Variants in ACVR1C observed in about 807,000 individuals in gnomAD.
The protein encoded by ACVR1C is activin A receptor type 1C.
ACVR1C carries 23 observed loss-of-function variants against 57.9 expected under a neutral mutation model. That is an observed-to-expected ratio of 0.40 (90% CI 0.29 to 0.56). The LOEUF (loss-of-function observed/expected upper bound fraction) is 0.56, where lower values mean the gene tolerates loss of function less well. Among genes scored for constraint, ACVR1C ranks in the 20% least tolerant of loss-of-function variants. ACVR1C has a pLI of 0.50. For synonymous variants in ACVR1C, 214 were observed against 215.3 expected (o/e 0.99, Z 0.05); for missense variants, 480 against 607.9 (o/e 0.79, Z 2.21).
intron 2 of ACVR1C, among the ~76,000 whole-genome samples, chr2:157,585,532 A>G (rs1477206576): frequency 6.6e-6 from 1 of 152,128 alleles, no homozygotes; most frequent in Non-Finnish European, 1.5e-5. Context: ...CTTGCCCTCT[A>G]ATACCTTTTG....
In ACVR1C at chr2:157,538,647, T is replaced by G. The variant is rs1687544366; in HGVS notation, c.1282A>C (p.Ile428Leu). The stretch of plus-strand genomic sequence containing the variant: ...CAAACAACCTTTCTCATTTCCTCTA[T>G]CGAGGGATCTGAAGGCACCATGTCA... ...YYDMVPSDPS[I>L]EEMRKVVCDQ... Residue 428 changes from isoleucine to leucine, a missense_variant, in exon 8 of 9, where the codon ATA (isoleucine) becomes CTA (leucine). Ile to Leu is a conservative substitution (Grantham distance 5). Transcript: ENST00000243349. 2 of 1,584,652 alleles carry G rather than the reference T, an allele frequency of 1.3e-6. No homozygotes were observed. The highest frequency in any genetic ancestry group is 1.7e-6 in the Non-Finnish European group (2 of 1,165,876).
intron 3 of ACVR1C, among the ~76,000 whole-genome samples, chr2:157,551,925 CT>C (rs1446369097): frequency 6.6e-6 from 1 of 152,172 alleles, no homozygotes; most frequent in Non-Finnish European, 1.5e-5. Flanking sequence ...TCACAAAACC[CT>C]ACAGGAAGAA....
chr2:157,552,145 T>C lies in ACVR1C; in HGVS notation c.545-1753A>G, dbSNP rs368072142. Among the ~76,000 whole-genome samples, 13 of 152,296 alleles carry C rather than the reference T, an allele frequency of 8.5e-5. 1 individual carries two copies. The highest frequency in any genetic ancestry group is 3.1e-4 in the African/African-American group (13 of 41,568). On this transcript the variant is annotated intron_variant, in intron 3 of 8. Transcript: ENST00000243349. ...TTGGTTTGTTTTGTTTGTTTGTTTG[T>C]TTGTTTTTTGAGATGGAGTCTTGCT... is the stretch of plus-strand genomic sequence containing the variant.
chr2:157,537,994 G>A (rs1687528425), intron 8 of ACVR1C, among the ~76,000 whole-genome samples: 1 of 152,174 alleles, frequency 6.6e-6, no homozygotes, highest in Non-Finnish European at 1.5e-5. Flanking sequence ...GGTTAGAGAT[G>A]AGGTATAACT....
rs1437070729 is a variant in ACVR1C, at chr2:157,554,279, GGA to G, written c.544+1812_544+1813del. Among the ~76,000 whole-genome samples the G allele has an allele frequency of 8.5e-4, 100 of 117,206 alleles. 2 individuals carry two copies. The highest frequency in any genetic ancestry group is 2.9e-3 in the African/African-American group (73 of 24,968). The allele number at this position is 117,206 out of a possible 152,430, so 76.9% of individuals were successfully genotyped here. The stretch of plus-strand genomic sequence containing the variant: ...AGAAAGAAAGAAAGAAAGGAAGGAA[GGA>G]AGAGAGAGAGAGAGAGAAAGAAAGA... On this transcript the variant is annotated intron_variant, in intron 3 of 8. Transcript: ENST00000243349.
chr2:157,583,283 G>C (rs1392680218), intron 2 of ACVR1C, among the ~76,000 whole-genome samples: 2 of 152,056 alleles, frequency 1.3e-5, no homozygotes, highest in African/African-American at 4.8e-5. Flanking sequence ...ATTCACACTA[G>C]CATCAAAAAC....
chr2:157,603,438 A>G (rs1682324663), intron 1 of ACVR1C, among the ~76,000 whole-genome samples: 1 of 152,144 alleles, frequency 6.6e-6, no homozygotes, highest in African/African-American at 2.4e-5. Flanking sequence ...TTGTTAACAC[A>G]TTAATGATCC....
chr2:157,598,819 G>C (rs1444436711), intron 1 of ACVR1C, among the ~76,000 whole-genome samples: 1 of 152,020 alleles, frequency 6.6e-6, no homozygotes, highest in Non-Finnish European at 1.5e-5. Context: ...GGCTACAGGC[G>C]TGAGTCACCT....
intron 7 of ACVR1C, 63 bp downstream of exon 7, chr2:157,541,027 A>T (rs1484640421): frequency 6.5e-7 from 1 of 1,546,876 alleles, no homozygotes; most frequent in Admixed American, 1.9e-5. Flanking sequence ...AAGATAGAAT[A>T]TCACATCTTG....
At chr2:157,623,995 T>C (rs1823880) in intron 1 of ACVR1C, among the ~76,000 whole-genome samples, 4,367 of 152,286 alleles carry the variant, frequency 0.029, 232 homozygotes, top group African/African-American at 0.099. Flanking sequence ...CTAATTATAC[T>C]TGAAAATTAA....
rs758186378 is a variant in ACVR1C, at chr2:157,556,067, T to TA, written c.544+25dup. 2.7e-5 allele frequency: 43 copies of TA among 1,585,048 alleles called. No homozygotes were observed. The East Asian group carries it at 4.9e-4, about 18-fold the overall frequency. On this transcript the variant is annotated intron_variant, in intron 3 of 8. Coordinates refer to ENST00000243349, the MANE Select transcript of ACVR1C (RefSeq NM_145259.3). ...TTTAAATAAAAGTGTTTTCTTATTTTAAAAAAATGGACAATGGTAACATAC... is the reference window on the plus strand; with the variant it reads ...TTTAAATAAAAGTGTTTTCTTATTTTAAAAAAAATGGACAATGGTAACATAC...
intron 1 of ACVR1C, among the ~76,000 whole-genome samples, chr2:157,604,441 T>C (rs750080461): frequency 1.3e-5 from 2 of 152,052 alleles, no homozygotes; most frequent in African/African-American, 2.4e-5. Context: ...GGAGCTTTTT[T>C]GAATGCATAT....
Position 157,554,205 on chromosome 2 carries a change from A to AAGAAAGAAAGAAAGAAAGAG in ACVR1C, c.544+1887_544+1888insCTCTTTCTTTCTTTCTTTCT, listed in dbSNP as rs1688000654. Among the ~76,000 whole-genome samples, 8 of 68,728 alleles carry AAGAAAGAAAGAAAGAAAGAG rather than the reference A, an allele frequency of 1.2e-4. 1 individual carries two copies. The South Asian group carries it at 1.3e-3, about 11-fold the overall frequency. The allele number at this position is 68,728 out of a possible 152,430, so 45.1% of individuals were successfully genotyped here. On this transcript the variant is annotated intron_variant, in intron 3 of 8. Transcript: ENST00000243349. ...AAAAAAAAAAAATAAAGAAGAGAGA[A>AAGAAAGAAAGAAAGAAAGAG]AGAAAGAAAGAAAGAAAGAAAGAAA...
At chr2:157,549,683 C>A (rs1048304966) in intron 4 of ACVR1C, among the ~76,000 whole-genome samples, 2 of 152,058 alleles carry the variant, frequency 1.3e-5, no homozygotes, top group African/African-American at 4.8e-5. Flanking sequence ...TTCATATAGA[C>A]TTTCTTAAAA....
At chr2:157,562,072 G>A (rs985514826) in intron 2 of ACVR1C, among the ~76,000 whole-genome samples, 2 of 151,986 alleles carry the variant, frequency 1.3e-5, no homozygotes, top group Admixed American at 6.6e-5. Context: ...CGAGGTGGGC[G>A]GATCATGAGG....
chr2:157,527,779 G>T lies in ACVR1C; in HGVS notation c.*6139C>A, dbSNP rs1438429130. On this transcript the variant is annotated 3_prime_UTR_variant, in exon 9 of 9. Coordinates refer to ENST00000243349, the MANE Select transcript of ACVR1C (RefSeq NM_145259.3). ...TATTATTTAGCCTATGGAAGAAATA[G>T]AAATATTAGTAAATGTCATTCTACG... The T allele has an allele frequency of 6.6e-6, 1 of 152,154 alleles. No homozygotes were observed. The highest frequency in any genetic ancestry group is 1.5e-5 in the Non-Finnish European group (1 of 68,020). 9.4% of individuals were successfully genotyped at this position (152,154 alleles called of 1,614,324 possible). A position where few individuals can be genotyped will look rare whatever the true frequency, so the allele number is the denominator to read the frequency against.
chr2:157,624,288 A>T (rs1423473858), intron 1 of ACVR1C, among the ~76,000 whole-genome samples: 1 of 152,218 alleles, frequency 6.6e-6, no homozygotes, highest in Non-Finnish European at 1.5e-5. Context: ...CAGGTCCCAC[A>T]GGGCTCAGCA....
At chr2:157,549,404 C>G (rs1687855065) in intron 4 of ACVR1C, among the ~76,000 whole-genome samples, 1 of 152,052 alleles carries the variant, frequency 6.6e-6, no homozygotes, top group African/African-American at 2.4e-5. Context: ...CTCCTTTGCC[C>G]TAGACACCCT....
At chr2:157,574,728 C>T (rs1688602733) in intron 2 of ACVR1C, among the ~76,000 whole-genome samples, 1 of 152,074 alleles carries the variant, frequency 6.6e-6, no homozygotes. Flanking sequence ...CAAAGGAAAC[C>T]AAATAAATCA....
Sources: allele counts gnomAD v4.1 joint callset (sites outside exome capture counted in the v4.1 genomes callset), GRCh38; gene constraint gnomAD v4.1.1; transcripts MANE v1.5; gene names NCBI Gene and HGNC (gene_info 2026-07-23, HGNC 2026-07-21).